Variants in MARCHF1 observed in about 807,000 individuals in gnomAD.
MARCHF1 encodes E3 ubiquitin-protein ligase MARCHF1.
A neutral mutation model predicts 54.2 loss-of-function variants in MARCHF1; 40 were observed. The ratio of observed to expected loss-of-function variants is 0.74; its 90% CI spans 0.57 to 0.96. The LOEUF (loss-of-function observed/expected upper bound fraction) is 0.96. Ranked by LOEUF, MARCHF1 falls within the 40% of genes least tolerant of loss-of-function variation. The pLI is 0.00. For missense variants in MARCHF1, 586 were observed against 656.5 expected, an observed-to-expected ratio of 0.89 and a Z score of 1.17; for synonymous variants, 236 against 236.3, an observed-to-expected ratio of 1.00 and a Z score of 0.01.
intron 1 of MARCHF1, among the ~76,000 whole-genome samples, chr4:164,326,115 G>T (rs1467705832): frequency 6.6e-6 from 1 of 152,048 alleles, no homozygotes; most frequent in Admixed American, 6.5e-5. Flanking sequence ...AAGCAGTAAA[G>T]AAACCTTGTT....
intron 1 of MARCHF1, among the ~76,000 whole-genome samples, chr4:164,136,766 C>T (rs950150964): frequency 6.6e-6 from 1 of 151,238 alleles, no homozygotes; most frequent in Non-Finnish European, 1.5e-5. Context: ...AGTGGGCAGA[C>T]AGAGCATGAG....
chr4:163,990,150 A>C (rs565381597), intron 2 of MARCHF1, among the ~76,000 whole-genome samples: 43 of 152,344 alleles, frequency 2.8e-4, no homozygotes, highest in African/African-American at 9.9e-4. Flanking sequence ...TTAAATATTC[A>C]CACTGAAATA....
chr4:164,073,112 G>C (rs1579511285), intron 2 of MARCHF1, among the ~76,000 whole-genome samples: 1 of 152,202 alleles, frequency 6.6e-6, no homozygotes, highest in Non-Finnish European at 1.5e-5. Context: ...AGGTTTTCTT[G>C]AAGTACAGTG....
chr4:164,082,163 A>G (rs1755115567), intron 2 of MARCHF1, among the ~76,000 whole-genome samples: 1 of 152,194 alleles, frequency 6.6e-6, no homozygotes, highest in Non-Finnish European at 1.5e-5. Context: ...TAAATATCAA[A>G]TTCTCTGAAG....
intron 9 of MARCHF1, 57 bp from the exon 10 acceptor site, chr4:163,529,103 A>ATTTTT (rs3839198): frequency 8.2e-7 from 1 of 1,219,096 alleles, no homozygotes; most frequent in Non-Finnish European, 1.1e-6. Flanking sequence ...GGATTTGGTC[A>ATTTTT]TTTTTTTTTT....
At chr4:164,046,057 A>T (rs1409542607) in intron 2 of MARCHF1, among the ~76,000 whole-genome samples, 1 of 152,152 alleles carries the variant, frequency 6.6e-6, no homozygotes, top group Non-Finnish European at 1.5e-5. Flanking sequence ...TTCTTACTTC[A>T]ATTCTCTAAT....
intron 2 of MARCHF1, among the ~76,000 whole-genome samples, chr4:164,071,437 AAT>A (rs886806281): frequency 1.0e-4 from 15 of 146,610 alleles, no homozygotes; most frequent in African/African-American, 3.3e-4. Context: ...AATAAAAATT[AAT>A]AGTGATTAAA....
intron 1 of MARCHF1, among the ~76,000 whole-genome samples, chr4:164,174,370 T>G (rs776244599): frequency 2.6e-5 from 4 of 152,216 alleles, no homozygotes; most frequent in Non-Finnish European, 5.9e-5. Flanking sequence ...AAAATATTGT[T>G]TCCTTCCTAG....
chr4:164,313,347 T>TCAAAA (rs1734916202), intron 1 of MARCHF1, among the ~76,000 whole-genome samples: 1 of 97,248 alleles, frequency 1.0e-5, no homozygotes. Flanking sequence ...AGACTCTGTC[T>TCAAAA]CAAAAAAAAA....
At chr4:163,820,046 G>A (rs987557484) in intron 4 of MARCHF1, among the ~76,000 whole-genome samples, 1 of 152,022 alleles carries the variant, frequency 6.6e-6, no homozygotes, top group Admixed American at 6.6e-5. Flanking sequence ...CTCCTCCAGC[G>A]AATGCCTTCT....
intron 4 of MARCHF1, among the ~76,000 whole-genome samples, chr4:163,829,721 CATT>C (rs1560776101): frequency 3.3e-5 from 5 of 152,160 alleles, no homozygotes; most frequent in Non-Finnish European, 5.9e-5. Context: ...TTTCTGCCAG[CATT>C]ACTTTTGGCA....
intron 4 of MARCHF1, among the ~76,000 whole-genome samples, chr4:163,713,437 A>T (rs923425092): frequency 6.6e-6 from 1 of 152,194 alleles, no homozygotes; most frequent in African/African-American, 2.4e-5. Context: ...CTGTTTATGC[A>T]TCTGTAGAAT....
chr4:164,029,363 G>A (rs1047746388), intron 2 of MARCHF1, among the ~76,000 whole-genome samples: 3 of 151,846 alleles, frequency 2.0e-5, no homozygotes, highest in African/African-American at 7.3e-5. Flanking sequence ...AATTTTAAAT[G>A]ACCAGATGTC....
At chr4:163,723,778 C>T (rs1455553245) in intron 4 of MARCHF1, among the ~76,000 whole-genome samples, 2 of 152,160 alleles carry the variant, frequency 1.3e-5, no homozygotes, top group Non-Finnish European at 2.9e-5. Context: ...TTCATTTGAT[C>T]TTCAATCACT....
intron 4 of MARCHF1, among the ~76,000 whole-genome samples, chr4:163,848,622 A>C (rs112293472): frequency 2.6e-5 from 4 of 152,260 alleles, no homozygotes; most frequent in Non-Finnish European, 4.4e-5. Context: ...AGTCGGTATA[A>C]GATGTTTTTG....
intron 4 of MARCHF1, among the ~76,000 whole-genome samples, chr4:163,810,238 C>T (rs907662366): frequency 5.9e-5 from 9 of 152,170 alleles, no homozygotes; most frequent in African/African-American, 1.7e-4. Context: ...TGCCTACACT[C>T]TGGTCTGATT....
chr4:163,601,745 C>A (rs1159616179), intron 7 of MARCHF1, among the ~76,000 whole-genome samples: 3 of 151,916 alleles, frequency 2.0e-5, no homozygotes, highest in Non-Finnish European at 4.4e-5. Context: ...ATATTCAAAT[C>A]TACTTTAATT....
At chr4:164,141,538 G>A (rs1288042892) in intron 1 of MARCHF1, among the ~76,000 whole-genome samples, 1 of 152,086 alleles carries the variant, frequency 6.6e-6, no homozygotes, top group Non-Finnish European at 1.5e-5. Context: ...TTTATAACCT[G>A]CACCTTACAA....
At chr4:163,665,149 G>A (rs1027276532) in intron 5 of MARCHF1, among the ~76,000 whole-genome samples, 2 of 152,056 alleles carry the variant, frequency 1.3e-5, no homozygotes, top group Non-Finnish European at 2.9e-5. Context: ...ACAGTCCACA[G>A]AATTAAGGCA....
Sources: gnomAD v4.1 joint callset for allele counts (sites outside exome capture counted in the v4.1 genomes callset) on GRCh38, gnomAD v4.1.1 for gene constraint, MANE v1.5 for transcripts, NCBI Gene and HGNC (gene_info 2026-07-23, HGNC 2026-07-21) for gene names.